Variants in SPATC1 observed in about 807,000 individuals in gnomAD.
SPATC1 encodes the protein spermatogenesis and centriole associated 1, also known as speriolin.
A neutral mutation model predicts 36.5 loss-of-function variants in SPATC1; 35 were observed. The ratio of observed to expected loss-of-function variants is 0.96; its 90% CI spans 0.73 to 1.27. The LOEUF (loss-of-function observed/expected upper bound fraction) is 1.27, where lower values mean the gene tolerates loss of function less well. Ranked by LOEUF, SPATC1 falls within the 50% of genes most tolerant of loss-of-function variation. SPATC1 has a pLI of 0.00. For missense variants in SPATC1, 779 were observed against 796.0 expected (o/e 0.98, Z 0.26); for synonymous variants, 361 against 353.6 (o/e 1.02, Z -0.24).
At chr8:144,038,058 G>T (rs1192294546) in intron 1 of SPATC1, among the ~76,000 whole-genome samples, 1 of 151,432 alleles carries the variant, frequency 6.6e-6, no homozygotes, top group Non-Finnish European at 1.5e-5. Flanking sequence ...ACCCCGGGGG[G>T]CGGAGCCTTC....
chr8:144,033,516 G>C (rs1439283891), intron 1 of SPATC1, among the ~76,000 whole-genome samples: 2 of 152,144 alleles, frequency 1.3e-5, no homozygotes, highest in African/African-American at 4.8e-5. Flanking sequence ...AGATTCTGGA[G>C]ACCCAAAAAA....
chr8:144,037,669 T>C (rs534382222), intron 1 of SPATC1, among the ~76,000 whole-genome samples: 5,848 of 151,728 alleles, frequency 0.039, 119 homozygotes, highest in African/African-American at 0.045. Flanking sequence ...ACAAACACTG[T>C]GGAAGGCCGC....
At chr8:144,021,222 G>A (rs1471544982) in intron 1 of SPATC1, among the ~76,000 whole-genome samples, 13 of 6,248 alleles carry the variant, frequency 2.1e-3, no homozygotes, top group South Asian at 9.8e-3. Flanking sequence ...CCTCAAGACC[G>A]CCTTCCCTCA....
intron 1 of SPATC1, among the ~76,000 whole-genome samples, chr8:144,026,445 C>T (rs1383825820): frequency 1.3e-5 from 2 of 152,260 alleles, no homozygotes; most frequent in South Asian, 2.1e-4. Context: ...AGACATGTTT[C>T]CATCTCTCTT....
At chr8:144,025,948 C>T (rs1024385959) in intron 1 of SPATC1, among the ~76,000 whole-genome samples, 20 of 152,142 alleles carry the variant, frequency 1.3e-4, no homozygotes, top group African/African-American at 4.6e-4. Flanking sequence ...TTCATATAAC[C>T]ATACAATTCA....
In SPATC1 at chr8:144,040,354, C is replaced by G; in HGVS notation, c.657C>G (p.Ser219Arg). The G allele has an allele frequency of 1.2e-6, 2 of 1,612,716 alleles. No individual in the cohort carries two copies. The highest frequency in any genetic ancestry group is 1.7e-6 in the Non-Finnish European group (2 of 1,179,892). Residue 219 changes from serine (S) to arginine (R), a missense_variant, in exon 2 of 5, where the codon AGC becomes AGG. Physicochemically the swap from Ser to Arg is moderately radical, Grantham distance 110 (BLOSUM62 -1). Transcript: ENST00000377470. Reference protein sequence around the residue: ...VSQNLLANPMSNLVLPEAPRL... With the variant: ...VSQNLLANPMRNLVLPEAPRL... ...AGAACCTGCTGGCCAACCCCATGAG[C>G]AACCTGGTCCTGCCAGAGGCCCCAA...
At chr8:144,042,311 A>ATTT (rs1184651892) in intron 4 of SPATC1, among the ~76,000 whole-genome samples, 5 of 23,884 alleles carry the variant, frequency 2.1e-4, no homozygotes, top group African/African-American at 4.8e-4. Context: ...ATATATATAT[A>ATTT]TTTTTTTTTT....
upstream of SPATC1, among the ~76,000 whole-genome samples, chr8:144,011,613 T>C (rs114680292): frequency 0.032 from 4,890 of 152,202 alleles, 290 homozygotes; most frequent in African/African-American, 0.11. The surrounding 1 kb of genome is among the most constrained non-coding windows in gnomAD (Gnocchi z 4.5). Flanking sequence ...GAGTTATCTG[T>C]AGATAGCTCT....
intron 1 of SPATC1, among the ~76,000 whole-genome samples, chr8:144,026,449 C>G (rs1324966095): frequency 6.6e-6 from 1 of 152,138 alleles, no homozygotes; most frequent in African/African-American, 2.4e-5. Flanking sequence ...ATGTTTCCAT[C>G]TCTCTTGGAT....
At chr8:144,024,293 C>A (rs1170656789) in intron 1 of SPATC1, among the ~76,000 whole-genome samples, 5 of 148,628 alleles carry the variant, frequency 3.4e-5, no homozygotes, top group African/African-American at 1.2e-4. Context: ...TCCCTCAAGA[C>A]CCTCTTCCCT....
At chr8:144,027,406 T>C (rs933486037) in intron 1 of SPATC1, among the ~76,000 whole-genome samples, 1 of 152,228 alleles carries the variant, frequency 6.6e-6, no homozygotes, top group African/African-American at 2.4e-5. Flanking sequence ...GTCTTTTCAC[T>C]TTCTTAATAA....
chr8:144,025,665 G>C (rs1397362769), intron 1 of SPATC1, among the ~76,000 whole-genome samples: 1 of 152,136 alleles, frequency 6.6e-6, no homozygotes, highest in Admixed American at 6.6e-5. Flanking sequence ...ATGGCATCTT[G>C]CAGTCATGAA....
intron 4 of SPATC1, chr8:144,042,210 G>A (rs1835120391): frequency 6.3e-6 from 1 of 159,488 alleles, no homozygotes; most frequent in Non-Finnish European, 1.2e-5. Flanking sequence ...CTAGCTCACT[G>A]CAACCATGAA....
chr8:144,024,823 CCCT>C (rs1834641778), intron 1 of SPATC1, among the ~76,000 whole-genome samples: 1 of 151,558 alleles, frequency 6.6e-6, no homozygotes, highest in African/African-American at 2.4e-5. Context: ...GGACCCTCTT[CCCT>C]CAGGACCCTC....
Position 144,041,033 on chromosome 8 carries a change from C to G in SPATC1, c.1232C>G (p.Ser411Trp). Reference sequence around the variant, plus strand: ...CGAGGTCCACGCACCACAGAACCGTCGACGAAGAGCATGATGGAGGTGGAA... The same window carrying G: ...CGAGGTCCACGCACCACAGAACCGTGGACGAAGAGCATGATGGAGGTGGAA... ...DSRGPRTTEPSTKSMMEVERK... is the reference protein window; with the variant it reads ...DSRGPRTTEPWTKSMMEVERK... Residue 411 changes from serine (S) to tryptophan (W), a missense_variant, in exon 3 of 5, where the codon TCG (serine) becomes TGG (tryptophan). Coordinates refer to ENST00000377470, the MANE Select transcript of SPATC1 (RefSeq NM_198572.3). The G allele has an allele frequency of 6.2e-7, 1 of 1,610,840 alleles. No homozygotes were observed. The highest frequency in any genetic ancestry group is 8.5e-7 in the Non-Finnish European group (1 of 1,179,056).
At chr8:144,042,906 C>T (rs1443408516) in intron 4 of SPATC1, among the ~76,000 whole-genome samples, 1 of 151,710 alleles carries the variant, frequency 6.6e-6, no homozygotes, top group Non-Finnish European at 1.5e-5. Context: ...AGTGTAGTGG[C>T]ATAATTATGG....
intron 1 of SPATC1, among the ~76,000 whole-genome samples, chr8:144,038,997 C>A (rs1306318952): frequency 6.6e-6 from 1 of 152,288 alleles, no homozygotes; most frequent in African/African-American, 2.4e-5. Flanking sequence ...CAAGGCAACA[C>A]GCAGCTCCTC....
intron 4 of SPATC1, among the ~76,000 whole-genome samples, chr8:144,044,809 C>T (rs1268520479): frequency 1.3e-5 from 2 of 151,994 alleles, no homozygotes; most frequent in Admixed American, 6.5e-5. Context: ...ATTAGCTGGG[C>T]GTGGAGGCAT....
At chr8:144,027,877 C>T (rs1010856431) in intron 1 of SPATC1, among the ~76,000 whole-genome samples, 1 of 152,034 alleles carries the variant, frequency 6.6e-6, no homozygotes, top group African/African-American at 2.4e-5. Context: ...CCTATAATCC[C>T]AGCTACTCGG....
Sources: gnomAD v4.1 joint callset for allele counts (sites outside exome capture counted in the v4.1 genomes callset) on GRCh38, gnomAD v4.1.1 for gene constraint, Gnocchi (gnomAD v3.1) non-coding constraint, MANE v1.5 for transcripts, NCBI Gene and HGNC (gene_info 2026-07-23, HGNC 2026-07-21) for gene names.